The following SPATA17 variants were observed in gnomAD, a reference collection of about 807,000 sequenced individuals.
SPATA17 encodes the protein spermatogenesis associated 17.
Under a neutral mutation model 62.2 loss-of-function variants are expected in SPATA17, and 53 were observed. The observed-to-expected ratio is 0.85, with a 90% CI of 0.68 to 1.07. SPATA17 has a LOEUF of 1.07. Ranked by LOEUF, SPATA17 falls within the 50% of genes least tolerant of loss-of-function variation. The probability of loss-of-function intolerance (pLI) is 0.00; values close to 1 mark genes in which losing one functional copy is unlikely to be tolerated. For missense variants in SPATA17, 466 were observed against 425.5 expected (o/e 1.10, Z -0.84); for synonymous variants, 146 against 146.8 (o/e 0.99, Z 0.04).
intron 9 of SPATA17, among the ~76,000 whole-genome samples, chr1:217,857,261 C>G (rs556033813): frequency 2.6e-5 from 4 of 152,214 alleles, no homozygotes; most frequent in South Asian, 4.1e-4. Context: ...CAGCTGCCAA[C>G]CTAAAGTAAT....
At chr1:217,747,106 G>A (rs956877788) in intron 6 of SPATA17, among the ~76,000 whole-genome samples, 1 of 152,040 alleles carries the variant, frequency 6.6e-6, no homozygotes, top group African/African-American at 2.4e-5. Context: ...TTTATGAAAG[G>A]AAGACTAATT....
chr1:217,807,352 A>ACCC (rs1674457873), intron 9 of SPATA17, among the ~76,000 whole-genome samples: 1 of 151,924 alleles, frequency 6.6e-6, no homozygotes, highest in African/African-American at 2.4e-5. Context: ...AAAAGTCCAA[A>ACCC]CCCCAGTATT....
chr1:217,746,448 C>A (rs1672753255), intron 6 of SPATA17, among the ~76,000 whole-genome samples: 1 of 106,060 alleles, frequency 9.4e-6, no homozygotes, highest in African/African-American at 3.1e-5. Flanking sequence ...TAATAGCTTA[C>A]TTTAGATGAG....
intron 9 of SPATA17, among the ~76,000 whole-genome samples, chr1:217,820,410 G>A (rs554417799): frequency 7.3e-4 from 111 of 152,068 alleles, no homozygotes; most frequent in African/African-American, 2.5e-3. Flanking sequence ...TACAAGAATG[G>A]CAGTGGATTT....
intron 8 of SPATA17, among the ~76,000 whole-genome samples, chr1:217,788,618 A>G (rs1004027649): frequency 6.6e-6 from 1 of 152,086 alleles, no homozygotes; most frequent in Non-Finnish European, 1.5e-5. Context: ...AGGAGGGTTC[A>G]ATTTACCTTT....
intron 1 of SPATA17, among the ~76,000 whole-genome samples, chr1:217,635,906 G>A (rs943944517): frequency 6.6e-6 from 1 of 151,970 alleles, no homozygotes; most frequent in African/African-American, 2.4e-5. Flanking sequence ...AGGCCAAGGC[G>A]AGCAGATCAC....
chr1:217,744,140 T>C (rs1672692540), intron 6 of SPATA17, among the ~76,000 whole-genome samples: 1 of 152,176 alleles, frequency 6.6e-6, no homozygotes, highest in Admixed American at 6.5e-5. Context: ...TCATTTCATT[T>C]CATTTTTAAA....
chr1:217,685,779 A>G (rs1671202873), intron 5 of SPATA17, among the ~76,000 whole-genome samples: 1 of 152,152 alleles, frequency 6.6e-6, no homozygotes, highest in Non-Finnish European at 1.5e-5. Context: ...GTGATTGGTT[A>G]TACAGTGGTC....
At chr1:217,775,483 T>A (rs935458475) in intron 7 of SPATA17, among the ~76,000 whole-genome samples, 2 of 151,966 alleles carry the variant, frequency 1.3e-5, no homozygotes, top group East Asian at 1.9e-4. Flanking sequence ...GGCGGACAGA[T>A]CACAAGGTCA....
intron 9 of SPATA17, among the ~76,000 whole-genome samples, chr1:217,848,862 A>C (rs1236896351): frequency 6.6e-6 from 1 of 151,980 alleles, no homozygotes; most frequent in African/African-American, 2.4e-5. Context: ...TTTGAATTTT[A>C]TATTCCTTAT....
chr1:217,822,802 A>G (rs577816685), intron 9 of SPATA17, among the ~76,000 whole-genome samples: 7 of 150,970 alleles, frequency 4.6e-5, no homozygotes, highest in African/African-American at 1.2e-4. Flanking sequence ...TTATATATGT[A>G]TATGAAAGTT....
chr1:217,725,590 G>A (rs909173807), intron 5 of SPATA17, among the ~76,000 whole-genome samples: 1 of 152,140 alleles, frequency 6.6e-6, no homozygotes, highest in African/African-American at 2.4e-5. Context: ...AGCCTCCTGA[G>A]TAGCTGGTAT....
intron 6 of SPATA17, among the ~76,000 whole-genome samples, chr1:217,759,853 A>T (rs1673130276): frequency 6.6e-6 from 1 of 152,204 alleles, no homozygotes; most frequent in Non-Finnish European, 1.5e-5. Flanking sequence ...TTTGACTAAA[A>T]AGCAAATGGA....
At chr1:217,667,550 G>A (rs1670727075) in intron 3 of SPATA17, among the ~76,000 whole-genome samples, 1 of 152,130 alleles carries the variant, frequency 6.6e-6, no homozygotes. Context: ...GAGACTTTCA[G>A]TAAGTTGTTC....
intron 4 of SPATA17, among the ~76,000 whole-genome samples, chr1:217,675,259 G>A (rs1386573742): frequency 2.0e-5 from 3 of 152,152 alleles, no homozygotes; most frequent in Non-Finnish European, 4.4e-5. Context: ...TCCTAAATGG[G>A]ATATAACACT....
chr1:217,759,732 C>A (rs1348018982), intron 6 of SPATA17, among the ~76,000 whole-genome samples: 1 of 152,054 alleles, frequency 6.6e-6, no homozygotes, highest in Admixed American at 6.6e-5. Context: ...GCAAGGAAAT[C>A]AGAAGTCTTC....
At chr1:217,704,820 T>A (rs1168221852) in intron 5 of SPATA17, among the ~76,000 whole-genome samples, 1 of 152,162 alleles carries the variant, frequency 6.6e-6, no homozygotes, top group East Asian at 1.9e-4. Flanking sequence ...GGCATCTAGG[T>A]TGATTCCATG....
At chr1:217,675,359 A>G (rs1318808728) in intron 4 of SPATA17, among the ~76,000 whole-genome samples, 2 of 152,204 alleles carry the variant, frequency 1.3e-5, no homozygotes, top group Admixed American at 1.3e-4. Context: ...TTGTAAATTC[A>G]AAAGACAAAT....
At chr1:217,705,313 C>G (rs1671707572) in intron 5 of SPATA17, among the ~76,000 whole-genome samples, 1 of 151,282 alleles carries the variant, frequency 6.6e-6, no homozygotes, top group Admixed American at 6.6e-5. Context: ...AGAACTTTGT[C>G]AGATGCATAG....
Sources: allele counts gnomAD v4.1 joint callset (sites outside exome capture counted in the v4.1 genomes callset), GRCh38; gene constraint gnomAD v4.1.1; transcripts MANE v1.5; gene names NCBI Gene and HGNC (gene_info 2026-07-23, HGNC 2026-07-21).